Variants in CSF1R observed in about 807,000 individuals in gnomAD.
CSF1R encodes colony stimulating factor 1 receptor.
In CSF1R, 40 loss-of-function variants were observed where a neutral mutation model predicts 110.0. The ratio of observed to expected loss-of-function variants is 0.36; its 90% CI spans 0.28 to 0.47. CSF1R has a LOEUF of 0.47. Among genes scored for constraint, CSF1R ranks in the 20% least tolerant of loss-of-function variants. CSF1R has a pLI of 0.99. For synonymous variants in CSF1R, 523 were observed against 503.4 expected, an observed-to-expected ratio of 1.04 and a Z score of -0.52; for missense variants, 1,052 against 1,253.0, an observed-to-expected ratio of 0.84 and a Z score of 2.42.
chr5:150,072,128 G>A (rs1270979060), intron 6 of CSF1R, among the ~76,000 whole-genome samples: 1 of 152,188 alleles, frequency 6.6e-6, no homozygotes, highest in African/African-American at 2.4e-5. Context: ...GAATGAGAGT[G>A]AGTGTGGCAT....
Position 150,080,779 on chromosome 5 carries a change from G to T in CSF1R, c.295C>A (p.Leu99Ile). The change falls in exon 2 of 21, where the codon CTC becomes ATC. Residue 99 changes from leucine to isoleucine, a missense_variant. This residue lies in a region of CSF1R where 693 missense variants were observed against 735.4 expected (regional missense o/e 0.94). Coordinates refer to ENST00000675795, the MANE Select transcript of CSF1R (RefSeq NM_001288705.3). ...TCAGACTCCTCACCTTTGACATAGA[G>T]GTGGATGGCGGCGCTGCCTCCCAGG... ...DPLGGSAAIH[L>I]YVKDPARPWN... 2 of 1,614,122 alleles carry T rather than the reference G, an allele frequency of 1.2e-6. No individual in the cohort carries two copies. The highest frequency in any genetic ancestry group is 2.2e-5 in the East Asian group (1 of 44,880).
intron 1 of CSF1R, among the ~76,000 whole-genome samples, chr5:150,107,545 G>A (rs1759590084): frequency 6.6e-6 from 1 of 152,242 alleles, no homozygotes; most frequent in African/African-American, 2.4e-5. Context: ...AGAAAGACAG[G>A]CTCAAAGATG....
At chr5:150,069,264 G>T (rs185611919) in intron 9 of CSF1R, among the ~76,000 whole-genome samples, 4 of 152,308 alleles carry the variant, frequency 2.6e-5, no homozygotes, top group African/African-American at 7.2e-5. Context: ...AAAGCCTGAG[G>T]ATGCTGTGGG....
rs767909181 is a variant in CSF1R at position 150,057,471 on chromosome 5, A to G, written c.2221+33T>C. 46 of 1,612,740 alleles carry G rather than the reference A, an allele frequency of 2.9e-5. No homozygotes were observed. In the Middle Eastern group the frequency reaches 8.2e-4, roughly 29 times the overall value. ...CCCTTCTCCTTTTCCCTTGTTATCAAGCAAATGGGGCCTGGCCCTGGGACC... is the reference window on the plus strand; with the variant it reads ...CCCTTCTCCTTTTCCCTTGTTATCAGGCAAATGGGGCCTGGCCCTGGGACC... On this transcript the variant is annotated intron_variant, in intron 15 of 20. Transcript: ENST00000675795.
chr5:150,058,014 G>A (rs527766988), intron 14 of CSF1R: 14 of 358,930 alleles, frequency 3.9e-5, no homozygotes, highest in African/African-American at 2.3e-4. Flanking sequence ...AAATCACTTC[G>A]GGAGCTTTTA....
Position 150,068,284 on chromosome 5 carries a change from C to T in CSF1R, c.1557G>A (p.Val519=), listed in dbSNP as rs756073340. ...AGGCCATGATGGACATGCAGGCGAC[C>T]ACCACTGGTGTGAAGAGGAACTCAT... ...PPDEFLFTPV[V]VACMSIMALL... is the part of the protein sequence containing the mutation. Residue 519 remains valine, a synonymous_variant, in exon 10 of 21, where the codon GTG becomes GTA. Coordinates refer to ENST00000675795, the MANE Select transcript of CSF1R (RefSeq NM_001288705.3). The T allele has an allele frequency of 2.5e-6, 4 of 1,613,052 alleles. No homozygotes were observed. Among genetic ancestry groups the T allele is most frequent in the Non-Finnish European group, 1.7e-6 (2 of 1,179,970 alleles).
chr5:150,101,709 T>C (rs1360396934), intron 1 of CSF1R, among the ~76,000 whole-genome samples: 4 of 149,622 alleles, frequency 2.7e-5, no homozygotes, highest in Non-Finnish European at 5.9e-5. Context: ...TATTCATCCA[T>C]AAAGAGATAC....
intron 6 of CSF1R, among the ~76,000 whole-genome samples, chr5:150,072,545 C>G (rs575289251): frequency 5.3e-5 from 8 of 151,926 alleles, no homozygotes; most frequent in African/African-American, 1.2e-4. Context: ...GAGTTAATAC[C>G]TGATATACCT....
At chr5:150,089,091 G>C (rs1293594741), upstream of CSF1R, among the ~76,000 whole-genome samples, 1 of 152,184 alleles carries the variant, frequency 6.6e-6, no homozygotes, top group Non-Finnish European at 1.5e-5. Flanking sequence ...GTGATTAAGG[G>C]CACATGTGAA....
At chr5:150,081,132 CAAGGGA>C in intron 1 of CSF1R, 108 bp from the exon 2 acceptor site, 1 of 1,305,390 alleles carries the variant, frequency 7.7e-7, no homozygotes, top group Non-Finnish European at 1.1e-6. Flanking sequence ...GCTGTGCCAT[CAAGGGA>C]CCACCTTGAA....
chr5:150,070,301 G>A lies in CSF1R; in HGVS notation c.1200C>T (p.Tyr400=). 1.9e-6 allele frequency: 3 copies of A among 1,613,574 alleles called. No individual in the cohort carries two copies. The highest frequency in any genetic ancestry group is 2.5e-6 in the Non-Finnish European group (3 of 1,179,694). ...TCCATATGACGCTTACCTCTGGGGG[G>A]TCTGAGGAAGAAAGGAGGAGGCCCC... ...RALTFELTLR[Y]PPEVSVIWTF... The change falls in exon 8 of 21, where the codon TAC becomes TAT. Residue 400 remains tyrosine, a splice_region_variant and synonymous_variant. Coordinates refer to ENST00000675795, the MANE Select transcript of CSF1R (RefSeq NM_001288705.3).
intron 1 of CSF1R, among the ~76,000 whole-genome samples, chr5:150,093,122 A>G (rs1759097472): frequency 6.6e-6 from 1 of 152,172 alleles, no homozygotes; most frequent in African/African-American, 2.4e-5. Flanking sequence ...TCTGTCACCC[A>G]GGCTGGAGGG....
chr5:150,059,976 T>C (rs1757429545), intron 13 of CSF1R, 114 bp from the exon 14 acceptor site: 4 of 1,196,832 alleles, frequency 3.3e-6, no homozygotes, highest in Non-Finnish European at 3.5e-6. Context: ...ATAGCTGAGT[T>C]CTAACCTCGG....
intron 1 of CSF1R, among the ~76,000 whole-genome samples, chr5:150,105,384 ATT>A (rs35556562): frequency 3.1e-3 from 264 of 84,212 alleles, no homozygotes; most frequent in African/African-American, 0.011. Context: ...ATATATATAT[ATT>A]TTTTTTTTTT....
chr5:150,100,940 T>C (rs927827375), intron 1 of CSF1R, among the ~76,000 whole-genome samples: 3 of 152,164 alleles, frequency 2.0e-5, no homozygotes, highest in Non-Finnish European at 2.9e-5. Context: ...TGGTGGCAAA[T>C]GCCTTCTCCC....
At chr5:150,069,116 G>A (rs1194277539) in intron 9 of CSF1R, among the ~76,000 whole-genome samples, 4 of 152,206 alleles carry the variant, frequency 2.6e-5, no homozygotes, top group South Asian at 2.1e-4. Flanking sequence ...GAGGCCCAGC[G>A]CGGCCGCAGG....
rs2113831105 is a variant in CSF1R, at chr5:150,080,190, T to A, written c.454A>T (p.Thr152Ser). The change falls in exon 3 of 21, where the codon ACC becomes TCC. Residue 152 changes from threonine (T) to serine (S), a missense_variant. By Grantham distance (58) the Thr-to-Ser change is moderately conservative. Transcript: ENST00000675795. ...TGCCAGGGCGAGAAGGAGTAGTTGG[T>A]GTGGCGCATGAGGGGCCGGCCACGC... Reference protein sequence around the residue: ...RVRGRPLMRHTNYSFSPWHGF... With the variant: ...RVRGRPLMRHSNYSFSPWHGF... The A allele has an allele frequency of 6.2e-7, 1 of 1,613,804 alleles. No homozygotes were observed. The highest frequency in any genetic ancestry group is 8.5e-7 in the Non-Finnish European group (1 of 1,180,042).
Position 150,056,136 on chromosome 5 carries a change from G to A in CSF1R, c.2444C>T (p.Ala815Val), listed in dbSNP as rs1461255666. ...GGCCATCCACTTCACAGGCAGGCGG[G>A]CCTGGGATGACAGTCCCCAGTTATT... ...NDSNYIVKGN[A>V]RLPVKWMAPE... is the part of the protein sequence containing the mutation. The change falls in exon 18 of 21, where the codon GCC becomes GTC. Residue 815 changes from alanine (A) to valine (V), a missense_variant and splice_region_variant. Physicochemically the swap from Ala to Val is moderately conservative, Grantham distance 64. Coordinates refer to ENST00000675795, the MANE Select transcript of CSF1R (RefSeq NM_001288705.3). The A allele has an allele frequency of 6.2e-7, 1 of 1,614,244 alleles. No individual in the cohort carries two copies.
intron 6 of CSF1R, among the ~76,000 whole-genome samples, chr5:150,072,246 C>T (rs1020920675): frequency 1.3e-5 from 2 of 152,188 alleles, no homozygotes; most frequent in Non-Finnish European, 2.9e-5. Flanking sequence ...GTAATCCTAG[C>T]ACCTTGGGAG....
Sources: gnomAD v4.1 joint callset for allele counts (sites outside exome capture counted in the v4.1 genomes callset) on GRCh38, gnomAD v4.1.1 for gene constraint, gnomAD v4.1.1 regional missense constraint, MANE v1.5 for transcripts, NCBI Gene and HGNC (gene_info 2026-07-23, HGNC 2026-07-21) for gene names.